SPIDR: variants seen among roughly 807,000 people sequenced by gnomAD.
SPIDR encodes the protein DNA repair-scaffolding protein.
A neutral mutation model predicts 104.6 loss-of-function variants in SPIDR; 93 were observed. That is an observed-to-expected ratio of 0.89 (90% CI 0.75 to 1.06). SPIDR has a LOEUF of 1.06. SPIDR is among the 50% of genes least tolerant of loss of function. The pLI is 0.00. For synonymous variants in SPIDR, 431 were observed against 416.9 expected, an observed-to-expected ratio of 1.03 and a Z score of -0.41; for missense variants, 1,154 against 1,111.2, an observed-to-expected ratio of 1.04 and a Z score of -0.55.
chr8:47,314,674 C>A (rs1442401557), intron 5 of SPIDR, among the ~76,000 whole-genome samples: 1 of 152,150 alleles, frequency 6.6e-6, no homozygotes, highest in Non-Finnish European at 1.5e-5. Context: ...CAGGTCCCTT[C>A]CACGACGTGT....
chr8:47,390,602 A>C (rs1347057513), intron 5 of SPIDR, among the ~76,000 whole-genome samples: 8 of 151,990 alleles, frequency 5.3e-5, no homozygotes, highest in African/African-American at 2.4e-5. Context: ...AAAAAAAAAA[A>C]AACTAAAGAA....
intron 10 of SPIDR, among the ~76,000 whole-genome samples, chr8:47,616,599 T>C (rs1402781650): frequency 6.6e-6 from 1 of 152,210 alleles, no homozygotes; most frequent in African/African-American, 2.4e-5. Context: ...ATAGTGGGAA[T>C]TTACAAATAT....
intron 5 of SPIDR, among the ~76,000 whole-genome samples, chr8:47,376,475 AGAGCTGT>A (rs1468230251): frequency 1.3e-5 from 2 of 152,214 alleles, no homozygotes; most frequent in East Asian, 3.8e-4. Context: ...AAGTTTGAAC[AGAGCTGT>A]GAGCTGATAA....
At chr8:47,320,215 G>C (rs1395767475) in intron 5 of SPIDR, among the ~76,000 whole-genome samples, 1 of 151,924 alleles carries the variant, frequency 6.6e-6, no homozygotes, top group Non-Finnish European at 1.5e-5. Flanking sequence ...ATTACTAAAA[G>C]AGAAAAGAGA....
Position 47,712,750 on chromosome 8 carries a change from G to A in SPIDR, c.2066G>A (p.Arg689Lys). 2 of 1,614,176 alleles carry A rather than the reference G, an allele frequency of 1.2e-6. No individual in the cohort carries two copies. The highest frequency in any genetic ancestry group is 1.7e-6 in the Non-Finnish European group (2 of 1,180,026). ...CAAACGAAGGAGGAGAGAGACCCCA[G>A]GCTCCCCAAAACCCTGCTGGTCTAT... ...TLQTKEERDP[R>K]LPKTLLVYVA... Residue 689 changes from arginine to lysine, a missense_variant, in exon 15 of 20, where the codon AGG becomes AAG. Transcript: ENST00000297423.
intron 8 of SPIDR, among the ~76,000 whole-genome samples, chr8:47,553,140 C>G (rs2154398076): frequency 6.6e-6 from 1 of 152,304 alleles, no homozygotes; most frequent in Non-Finnish European, 1.5e-5. Flanking sequence ...CGCTGTTAGT[C>G]TGATGGGCTT....
intron 8 of SPIDR, among the ~76,000 whole-genome samples, chr8:47,519,797 A>C (rs2083760631): frequency 6.6e-6 from 1 of 152,214 alleles, no homozygotes; most frequent in Non-Finnish European, 1.5e-5. Flanking sequence ...CAAACAAAAA[A>C]GATACTTTGA....
In SPIDR at chr8:47,262,307, A is replaced by G. The variant is rs191559461; in HGVS notation, c.33+1316A>G. ...TCACTTCTGGTCTCTTCATCTTGTC[A>G]TTTTTCAAGACTCTTTTTTTTTACT... On this transcript the variant is annotated intron_variant, in intron 1 of 19. Coordinates refer to ENST00000297423, the MANE Select transcript of SPIDR (RefSeq NM_001080394.4). 1.2e-3 allele frequency among the ~76,000 whole-genome samples: 181 copies of G among 151,784 alleles called. 2 individuals are homozygous for G. Among genetic ancestry groups the G allele is most frequent in the African/African-American group, 4.3e-3 (176 of 41,362 alleles).
At chr8:47,295,968 A>T (rs1205506065) in intron 5 of SPIDR, among the ~76,000 whole-genome samples, 1 of 151,990 alleles carries the variant, frequency 6.6e-6, no homozygotes, top group Admixed American at 6.6e-5. Context: ...CATCTTTTTG[A>T]TAGTCTTTCT....
intron 5 of SPIDR, among the ~76,000 whole-genome samples, chr8:47,347,458 TAGGTCCACTAGG>T (rs1554619082): frequency 6.6e-6 from 1 of 152,214 alleles, no homozygotes; most frequent in Non-Finnish European, 1.5e-5. Context: ...AGATGTCTAT[TAGGTCCACTAGG>T]TGCAGAGCTG....
intron 10 of SPIDR, among the ~76,000 whole-genome samples, chr8:47,615,472 C>CTT (rs11345219): frequency 9.1e-6 from 1 of 110,050 alleles, no homozygotes; most frequent in African/African-American, 3.6e-5. Context: ...CGAAAATAGC[C>CTT]TTTTTTTTTT....
chr8:47,303,709 A>G (rs2042639207), intron 5 of SPIDR, among the ~76,000 whole-genome samples: 1 of 152,222 alleles, frequency 6.6e-6, no homozygotes, highest in Non-Finnish European at 1.5e-5. Flanking sequence ...GGTAAATCCC[A>G]CTTGATCATG....
chr8:47,286,235 T>G (rs1412439353), intron 3 of SPIDR, among the ~76,000 whole-genome samples: 1 of 152,150 alleles, frequency 6.6e-6, no homozygotes, highest in Non-Finnish European at 1.5e-5. Flanking sequence ...GCATAATGGT[T>G]AAGAACATGG....
intron 8 of SPIDR, among the ~76,000 whole-genome samples, chr8:47,571,987 T>C (rs1212665887): frequency 3.3e-5 from 5 of 152,198 alleles, no homozygotes. Context: ...CCTCTTCTAA[T>C]AGATCAAGCT....
At chr8:47,683,262 A>G (rs761541018) in intron 11 of SPIDR, among the ~76,000 whole-genome samples, 2 of 152,240 alleles carry the variant, frequency 1.3e-5, no homozygotes, top group Admixed American at 6.5e-5. Flanking sequence ...GTATGTTGCT[A>G]TGGCTTCACT....
chr8:47,502,069 C>T (rs934723963), intron 8 of SPIDR, among the ~76,000 whole-genome samples: 1 of 151,482 alleles, frequency 6.6e-6, no homozygotes, highest in Non-Finnish European at 1.5e-5. Context: ...AGGATTCTGT[C>T]GATGTGCATC....
rs141667885 is a variant in SPIDR, at chr8:47,402,909, A to G, written c.777-4952A>G. 5.4e-3 allele frequency among the ~76,000 whole-genome samples: 819 copies of G among 152,290 alleles called. 10 individuals carry two copies. The highest frequency in any genetic ancestry group is 0.018 in the African/African-American group (767 of 41,570). ...GGCAGAGACACAACAAAAAAAGACAATTTTAGACCAATATCTCTGATGAAC... is the reference window on the plus strand; with the variant it reads ...GGCAGAGACACAACAAAAAAAGACAGTTTTAGACCAATATCTCTGATGAAC... On this transcript the variant is annotated intron_variant, in intron 6 of 19. Transcript: ENST00000297423.
intron 5 of SPIDR, among the ~76,000 whole-genome samples, chr8:47,334,384 A>G (rs1178772999): frequency 6.6e-6 from 1 of 152,206 alleles, no homozygotes; most frequent in Non-Finnish European, 1.5e-5. Context: ...TCGGATTATG[A>G]TAGTGGACTA....
intron 8 of SPIDR, among the ~76,000 whole-genome samples, chr8:47,525,744 C>T (rs2084880032): frequency 6.6e-6 from 1 of 151,324 alleles, no homozygotes; most frequent in African/African-American, 2.4e-5. Flanking sequence ...CTGCACTCCA[C>T]CCTGGGTAGA....
Sources: allele counts gnomAD v4.1 joint callset (sites outside exome capture counted in the v4.1 genomes callset), GRCh38; gene constraint gnomAD v4.1.1; transcripts MANE v1.5; gene names NCBI Gene and HGNC (gene_info 2026-07-23, HGNC 2026-07-21).